Variants in B3GALT1 observed in about 807,000 individuals in gnomAD.
B3GALT1 encodes the protein UDP-Gal:betaGlcNAc beta 1,3-galactosyltransferase, polypeptide 1.
Under a neutral mutation model 23.2 loss-of-function variants are expected in B3GALT1, and 10 were observed. The observed-to-expected ratio is 0.43, with a 90% confidence interval of 0.27 to 0.73. The LOEUF (loss-of-function observed/expected upper bound fraction) is 0.73, where lower values mean the gene tolerates loss of function less well. B3GALT1 is among the 30% of genes least tolerant of loss of function. The pLI is 0.21. For synonymous variants in B3GALT1, 156 were observed against 141.5 expected, an observed-to-expected ratio of 1.10 and a Z score of -0.73; for missense variants, 299 against 405.4, an observed-to-expected ratio of 0.74 and a Z score of 2.25.
chr2:167,408,070 A>G (rs1376834304), intron 1 of B3GALT1, among the ~76,000 whole-genome samples: 2 of 128,926 alleles, frequency 1.6e-5, no homozygotes, highest in African/African-American at 6.0e-5. Context: ...ACACACACAC[A>G]CAGACACACA....
intron 1 of B3GALT1, among the ~76,000 whole-genome samples, chr2:167,419,021 T>C (rs891914085): frequency 6.6e-5 from 10 of 152,212 alleles, no homozygotes; most frequent in African/African-American, 2.4e-4. Context: ...GATGGCTCTG[T>C]GTGTAAAATG....
rs1447340049 is a variant in B3GALT1 at position 167,512,570 on chromosome 2, A to G, written c.-410+22293A>G. ...TGTATATATATGTATATATATATGTATATATATATGTATATATATATGTGT... is the reference window on the plus strand; with the variant it reads ...TGTATATATATGTATATATATATGTGTATATATATGTATATATATATGTGT... On this transcript the variant is annotated intron_variant, in intron 2 of 4. Coordinates refer to ENST00000392690, the MANE Select transcript of B3GALT1 (RefSeq NM_020981.4). Among the ~76,000 whole-genome samples the G allele has an allele frequency of 2.6e-3, 238 of 91,146 alleles. 19 individuals carry two copies. The South Asian group carries it at 0.04, about 15-fold the overall frequency. 59.8% of individuals were successfully genotyped at this position (91,146 alleles called of 152,430 possible).
intron 4 of B3GALT1, among the ~76,000 whole-genome samples, chr2:167,863,608 T>C (rs1484201316): frequency 6.6e-6 from 1 of 152,214 alleles, no homozygotes; most frequent in South Asian, 2.1e-4. Context: ...AACTACTTTA[T>C]CCAACTTACA....
At chr2:167,819,805 G>C (rs75284091) in intron 4 of B3GALT1, among the ~76,000 whole-genome samples, 11,136 of 152,208 alleles carry the variant, frequency 0.073, 517 homozygotes, top group Middle Eastern at 0.16. Flanking sequence ...CCTCTCTCCT[G>C]GTTCTTATTT....
intron 3 of B3GALT1, among the ~76,000 whole-genome samples, chr2:167,792,595 A>C (rs1688455471): frequency 6.6e-6 from 1 of 152,178 alleles, no homozygotes; most frequent in Admixed American, 6.5e-5. Context: ...AGGATACAAA[A>C]CTTGGCAGGA....
At chr2:167,596,332 AT>A (rs1684773551) in intron 2 of B3GALT1, among the ~76,000 whole-genome samples, 1 of 152,152 alleles carries the variant, frequency 6.6e-6, no homozygotes, top group Admixed American at 6.5e-5. Context: ...ATATGGTTAC[AT>A]TTTTACATCC....
At chr2:167,839,873 C>T (rs958481636) in intron 4 of B3GALT1, among the ~76,000 whole-genome samples, 27 of 152,166 alleles carry the variant, frequency 1.8e-4, no homozygotes, top group Admixed American at 7.2e-4. Flanking sequence ...GAAATAACGC[C>T]GCATATCTGC....
intron 1 of B3GALT1, among the ~76,000 whole-genome samples, chr2:167,422,096 CA>C (rs1698554858): frequency 8.3e-6 from 1 of 119,766 alleles, no homozygotes. Context: ...AGGGGGAGTG[CA>C]AAGGGGAGAA....
Position 167,432,224 on chromosome 2 carries a change from T to A in B3GALT1, c.-510-57953T>A, listed in dbSNP as rs73023860. 3.3e-3 allele frequency among the ~76,000 whole-genome samples: 502 copies of A among 152,062 alleles called. 2 individuals carry two copies. The highest frequency in any genetic ancestry group is 0.012 in the African/African-American group (490 of 41,456). On this transcript the variant is annotated intron_variant, in intron 1 of 4. Transcript: ENST00000392690. ...CTGCAGTAATGATGACTGCAGAGAG[T>A]TGGCTGAACACTCTAGTGACAGACT...
chr2:167,787,659 T>C (rs1453331710), intron 3 of B3GALT1, among the ~76,000 whole-genome samples: 1 of 152,174 alleles, frequency 6.6e-6, no homozygotes, highest in African/African-American at 2.4e-5. Context: ...GCAGACTTAG[T>C]TCTATGACCC....
At chr2:167,730,790 A>G (rs1377563799) in intron 3 of B3GALT1, among the ~76,000 whole-genome samples, 3 of 152,202 alleles carry the variant, frequency 2.0e-5, no homozygotes, top group African/African-American at 4.8e-5. Context: ...TTTGGTCAGA[A>G]ATATTTTCTT....
chr2:167,720,735 C>T (rs1558959147), intron 3 of B3GALT1, among the ~76,000 whole-genome samples: 1 of 152,158 alleles, frequency 6.6e-6, no homozygotes, highest in East Asian at 1.9e-4. Flanking sequence ...GTTTAAATGT[C>T]CTCCAAGAGA....
chr2:167,527,465 A>T (rs932300326), intron 2 of B3GALT1, among the ~76,000 whole-genome samples: 2 of 127,850 alleles, frequency 1.6e-5, no homozygotes, highest in Non-Finnish European at 3.3e-5. Context: ...GAAATGAAAA[A>T]AAGCAAATAC....
At chr2:167,423,244 G>T (rs572162773) in intron 1 of B3GALT1, among the ~76,000 whole-genome samples, 1 of 152,166 alleles carries the variant, frequency 6.6e-6, no homozygotes, top group Non-Finnish European at 1.5e-5. Context: ...ACTATACCCC[G>T]ATCCATATGG....
intron 3 of B3GALT1, chr2:167,716,200 G>T (rs1687144262): frequency 4.9e-6 from 5 of 1,014,208 alleles, no homozygotes; most frequent in Non-Finnish European, 7.2e-6. Flanking sequence ...AGCCGGCTGC[G>T]GAGGGAGCTG....
At chr2:167,565,696 A>T (rs1307726600) in intron 2 of B3GALT1, among the ~76,000 whole-genome samples, 18 of 152,224 alleles carry the variant, frequency 1.2e-4, no homozygotes. Context: ...GGGCAAGGAT[A>T]TGAAGACACT....
intron 3 of B3GALT1, among the ~76,000 whole-genome samples, chr2:167,662,846 C>T (rs911485770): frequency 6.6e-6 from 1 of 152,054 alleles, no homozygotes; most frequent in South Asian, 2.1e-4. Flanking sequence ...AATTTTGCAT[C>T]TGCTGTTTCT....
intron 2 of B3GALT1, among the ~76,000 whole-genome samples, chr2:167,555,033 A>C (rs1683818424): frequency 6.6e-6 from 1 of 152,212 alleles, no homozygotes; most frequent in Non-Finnish European, 1.5e-5. Flanking sequence ...GTATGTGCTG[A>C]GTGATATACA....
chr2:167,790,414 A>G (rs1011304947), intron 3 of B3GALT1, among the ~76,000 whole-genome samples: 1 of 152,120 alleles, frequency 6.6e-6, no homozygotes, highest in African/African-American at 2.4e-5. Flanking sequence ...AGATGTCTCC[A>G]CCTGGGTAAG....
Sources: gnomAD v4.1 joint callset for allele counts (sites outside exome capture counted in the v4.1 genomes callset) on GRCh38, gnomAD v4.1.1 for gene constraint, MANE v1.5 for transcripts, NCBI Gene and HGNC (gene_info 2026-07-23, HGNC 2026-07-21) for gene names.